Variants in URI1 observed in about 807,000 individuals in gnomAD.
The protein encoded by URI1 is unconventional prefoldin RPB5 interactor 1.
URI1 carries 39 observed loss-of-function variants against 60.2 expected under a neutral mutation model. The ratio of observed to expected loss-of-function variants is 0.65; its 90% CI spans 0.50 to 0.85. The LOEUF (loss-of-function observed/expected upper bound fraction) is 0.85, where lower values mean the gene tolerates loss of function less well. Among genes scored for constraint, URI1 ranks in the 40% least tolerant of loss-of-function variants. URI1 has a pLI of 0.00. For synonymous variants in URI1, 251 were observed against 236.8 expected, an observed-to-expected ratio of 1.06 and a Z score of -0.55; for missense variants, 691 against 665.9, an observed-to-expected ratio of 1.04 and a Z score of -0.42.
At chr19:30,013,208 A>G (rs1189608487) in intron 10 of URI1, among the ~76,000 whole-genome samples, 1 of 152,228 alleles carries the variant, frequency 6.6e-6, no homozygotes, top group African/African-American at 2.4e-5. Context: ...TTTTCAATTT[A>G]AAAAGTATTT....
intron 2 of URI1, among the ~76,000 whole-genome samples, chr19:29,976,018 T>C (rs1001148623): frequency 1.3e-5 from 2 of 152,210 alleles, no homozygotes; most frequent in Non-Finnish European, 2.9e-5. Context: ...CCTGTATCAT[T>C]AACTAACAGT....
chr19:29,949,377 C>CTT (rs1205401996), intron 1 of URI1, among the ~76,000 whole-genome samples: 3 of 151,634 alleles, frequency 2.0e-5, no homozygotes, highest in African/African-American at 7.3e-5. Context: ...ACGCTCCTCA[C>CTT]TTCCTAGACG....
chr19:29,950,837 A>T (rs1197749818), intron 1 of URI1, among the ~76,000 whole-genome samples: 1 of 152,202 alleles, frequency 6.6e-6, no homozygotes, highest in African/African-American at 2.4e-5. Context: ...CTTTCATCTA[A>T]AATTATTCCC....
rs78809343 is a variant in URI1, at chr19:30,009,833, T to C, written c.1035+480T>C. 2.5e-3 allele frequency among the ~76,000 whole-genome samples: 379 copies of C among 152,298 alleles called. 11 individuals are homozygous for C. The East Asian group carries it at 0.059, about 24-fold the overall frequency. Reference sequence around the variant, plus strand: ...AGTTTCTTTTCTGACAAAGTAAATATAAACATCTGTGGATAATCATGACTT... The same window carrying C: ...AGTTTCTTTTCTGACAAAGTAAATACAAACATCTGTGGATAATCATGACTT... On this transcript the variant is annotated intron_variant, in intron 8 of 10. Transcript: ENST00000392271.
chr19:29,946,055 A>G (rs1208359918), intron 1 of URI1, among the ~76,000 whole-genome samples: 1 of 81,608 alleles, frequency 1.2e-5, no homozygotes, highest in Non-Finnish European at 2.3e-5. Context: ...ACCATCTTCC[A>G]GTTGATTTCC....
chr19:29,956,304 T>TAA, intron 1 of URI1: 3 of 724,422 alleles, frequency 4.1e-6, no homozygotes, highest in Non-Finnish European at 6.1e-6. Context: ...TTTTTTTTTT[T>TAA]TAAGAAGGTC....
chr19:29,944,181 A>ATT lies in URI1; in HGVS notation c.117+1518_117+1519insTT, dbSNP rs1417917533. Among the ~76,000 whole-genome samples, 10 of 90,880 alleles carry ATT rather than the reference A, an allele frequency of 1.1e-4. 1 individual carries two copies. Among genetic ancestry groups the ATT allele is most frequent in the African/African-American group, 4.9e-4 (9 of 18,306 alleles). 59.6% of individuals were successfully genotyped at this position (90,880 alleles called of 152,430 possible). A position where few individuals can be genotyped will look rare whatever the true frequency, so the allele number is the denominator to read the frequency against. On this transcript the variant is annotated intron_variant, in intron 1 of 10. Coordinates refer to ENST00000392271, the MANE Select transcript of URI1 (RefSeq NM_003796.3). ...TATATATATATATATATATATATAT[A>ATT]TATATATATATAAAACTTAACTAGT...
At chr19:29,957,581 A>G (rs1330775228) in intron 1 of URI1, among the ~76,000 whole-genome samples, 1 of 152,022 alleles carries the variant, frequency 6.6e-6, no homozygotes, top group Non-Finnish European at 1.5e-5. Flanking sequence ...TTCCTCTAGC[A>G]CTTTGTTCTT....
chr19:29,933,162 C>G (rs1046277260), intron 1 of URI1, among the ~76,000 whole-genome samples: 3 of 152,134 alleles, frequency 2.0e-5, no homozygotes, highest in Admixed American at 1.3e-4. Context: ...GTGTTCTTTC[C>G]TCTTCAATCT....
At chr19:30,012,688 T>C (rs1417339637) in intron 10 of URI1, 157 bp downstream of exon 10, 3 of 874,168 alleles carry the variant, frequency 3.4e-6, no homozygotes. Context: ...AGTACAAATA[T>C]TGTGATAATC....
intron 5 of URI1, 81 bp from the exon 6 acceptor site, chr19:30,005,570 G>C: frequency 6.5e-7 from 1 of 1,539,224 alleles, no homozygotes; most frequent in South Asian, 1.2e-5. Flanking sequence ...GACATCTTAG[G>C]TTGAATAGTT....
chr19:29,972,541 C>T (rs1379375293), intron 2 of URI1, among the ~76,000 whole-genome samples: 1 of 152,050 alleles, frequency 6.6e-6, no homozygotes, highest in African/African-American at 2.4e-5. Context: ...GAAATAGATG[C>T]TAGTTTACAT....
At chr19:29,944,521 A>T (rs2055079695) in intron 1 of URI1, among the ~76,000 whole-genome samples, 1 of 152,122 alleles carries the variant, frequency 6.6e-6, no homozygotes, top group South Asian at 2.1e-4. Context: ...TGAAATGCAA[A>T]GGATACTTTT....
At chr19:29,957,221 A>T (rs538564397) in intron 1 of URI1, among the ~76,000 whole-genome samples, 1 of 151,700 alleles carries the variant, frequency 6.6e-6, no homozygotes, top group Non-Finnish European at 1.5e-5. Context: ...AAAGTCTATT[A>T]TATTTTATAA....
rs372676289 is a variant in URI1, at chr19:29,983,500, G to C, written c.153-1723G>C. 1.5e-4 allele frequency among the ~76,000 whole-genome samples: 23 copies of C among 152,244 alleles called. 1 individual carries two copies. The South Asian group carries it at 4.8e-3, about 32-fold the overall frequency. Reference sequence around the variant, plus strand: ...ATGTTTGTCATTTATATTATCTGGAGAGTTGTTACCTACATTGCAGTTTAT... The same window carrying C: ...ATGTTTGTCATTTATATTATCTGGACAGTTGTTACCTACATTGCAGTTTAT... On this transcript the variant is annotated intron_variant, in intron 2 of 10. Coordinates refer to ENST00000392271, the MANE Select transcript of URI1 (RefSeq NM_003796.3).
chr19:29,993,883 A>G (rs1448736289), intron 4 of URI1, among the ~76,000 whole-genome samples: 4 of 151,774 alleles, frequency 2.6e-5, no homozygotes, highest in Non-Finnish European at 5.9e-5. Context: ...ATACACCTCC[A>G]CTCAAATTGT....
chr19:29,991,563 T>A (rs1599709216), intron 4 of URI1, among the ~76,000 whole-genome samples: 1 of 152,214 alleles, frequency 6.6e-6, no homozygotes, highest in South Asian at 2.1e-4. Flanking sequence ...TATTTTTTTT[T>A]ATTCCTTTCC....
At chr19:29,933,802 A>C (rs1198702342) in intron 1 of URI1, among the ~76,000 whole-genome samples, 1 of 144,358 alleles carries the variant, frequency 6.9e-6, no homozygotes, top group Non-Finnish European at 1.5e-5. Context: ...AGCCTGGGCA[A>C]CAGAGTGAGA....
intron 4 of URI1, among the ~76,000 whole-genome samples, chr19:29,986,806 A>G (rs544231222): frequency 6.6e-6 from 1 of 152,322 alleles, no homozygotes; most frequent in Non-Finnish European, 1.5e-5. Flanking sequence ...TTTTCTCCTT[A>G]GTGAACTAAG....
Sources: allele counts gnomAD v4.1 joint callset (sites outside exome capture counted in the v4.1 genomes callset), GRCh38; gene constraint gnomAD v4.1.1; transcripts MANE v1.5; gene names NCBI Gene and HGNC (gene_info 2026-07-23, HGNC 2026-07-21).